ZNF609: variants seen among roughly 807,000 people sequenced by gnomAD.
ZNF609 encodes the protein zinc finger protein 609.
Under a neutral mutation model 109.5 loss-of-function variants are expected in ZNF609, and 11 were observed. That is an observed-to-expected ratio of 0.10 (90% CI 0.06 to 0.17). The LOEUF is 0.17. Among genes scored for constraint, ZNF609 ranks in the 10% least tolerant of loss-of-function variants. ZNF609 has a pLI of 1.00. For synonymous variants in ZNF609, 646 were observed against 662.0 expected (o/e 0.98, Z 0.37); for missense variants, 1,559 against 1,772.4 (o/e 0.88, Z 2.16).
chr15:64,654,666 A>G (rs1023298346), intron 3 of ZNF609, among the ~76,000 whole-genome samples: 1 of 152,166 alleles, frequency 6.6e-6, no homozygotes, highest in Admixed American at 6.5e-5. Flanking sequence ...CATGTCTTCT[A>G]TTTCTATAAT....
At chr15:64,586,046 C>T (rs548480146) in intron 2 of ZNF609, among the ~76,000 whole-genome samples, 3 of 152,040 alleles carry the variant, frequency 2.0e-5, no homozygotes, top group East Asian at 1.9e-4. Flanking sequence ...TCTTGCCGGC[C>T]GGGTGCGGTG....
chr15:64,529,635 G>A (rs543495846), intron 2 of ZNF609: 17 of 898,402 alleles, frequency 1.9e-5, no homozygotes, highest in African/African-American at 8.1e-5. Context: ...CACCCAGTAC[G>A]ACCAAATCTG....
At chr15:64,619,159 T>C (rs995156012) in intron 2 of ZNF609, among the ~76,000 whole-genome samples, 14 of 152,252 alleles carry the variant, frequency 9.2e-5, no homozygotes, top group African/African-American at 3.4e-4. Context: ...GTTTTTGTTT[T>C]TGTTTTTGTT....
At chr15:64,605,893 C>T (rs1267812500) in intron 2 of ZNF609, among the ~76,000 whole-genome samples, 2 of 141,842 alleles carry the variant, frequency 1.4e-5, no homozygotes, top group Non-Finnish European at 3.0e-5. Flanking sequence ...GCCACCACGC[C>T]CGGCTAATCT....
At chr15:64,588,439 A>G (rs113914133) in intron 2 of ZNF609, among the ~76,000 whole-genome samples, 3 of 136,674 alleles carry the variant, frequency 2.2e-5, no homozygotes, top group African/African-American at 6.2e-5. Flanking sequence ...AAAAAAAAAA[A>G]AAAAAGAAGA....
chr15:64,667,734 A>T (rs1896670717), intron 3 of ZNF609, among the ~76,000 whole-genome samples: 1 of 152,116 alleles, frequency 6.6e-6, no homozygotes, highest in Non-Finnish European at 1.5e-5. Flanking sequence ...AAAAAGAAAA[A>T]GAAACACAGA....
At chr15:64,475,309 C>T (rs1405994674) in intron 1 of ZNF609, among the ~76,000 whole-genome samples, 1 of 151,558 alleles carries the variant, frequency 6.6e-6, no homozygotes, top group East Asian at 1.9e-4. Context: ...TCCTATCCAC[C>T]TATCTCCAGA....
chr15:64,608,703 A>G (rs558110494), intron 2 of ZNF609, among the ~76,000 whole-genome samples: 1 of 147,918 alleles, frequency 6.8e-6, no homozygotes, highest in African/African-American at 2.5e-5. Context: ...CAAAATTGTT[A>G]TATGTGTGTA....
At chr15:64,610,858 C>T (rs1030156226) in intron 2 of ZNF609, among the ~76,000 whole-genome samples, 1 of 151,976 alleles carries the variant, frequency 6.6e-6, no homozygotes, top group African/African-American at 2.4e-5. Context: ...TTTGGTCCAG[C>T]CACGTTATAG....
At chr15:64,559,814 G>A (rs1295179778) in intron 2 of ZNF609, among the ~76,000 whole-genome samples, 1 of 152,070 alleles carries the variant, frequency 6.6e-6, no homozygotes, top group African/African-American at 2.4e-5. Context: ...CAGATATCTC[G>A]TTTAATATTC....
At position 64,542,329 on chromosome 15, in the gene ZNF609, G is replaced by T. The variant is rs192837602; in HGVS notation, c.747+42163G>T. On this transcript the variant is annotated intron_variant, in intron 2 of 9. Coordinates refer to ENST00000326648, the MANE Select transcript of ZNF609 (RefSeq NM_015042.2). ...ACGTAATTTTGCCTGAATCTATTTG[G>T]ATTATTTTTCAAGTAGTTAATGTGA... Among the ~76,000 whole-genome samples the T allele has an allele frequency of 5.3e-5, 8 of 152,218 alleles. No homozygotes were observed. The East Asian group carries it at 1.5e-3, about 29-fold the overall frequency.
At chr15:64,600,608 C>G (rs1895481635) in intron 2 of ZNF609, among the ~76,000 whole-genome samples, 1 of 125,704 alleles carries the variant, frequency 8.0e-6, no homozygotes, top group Non-Finnish European at 1.6e-5. Context: ...TGTACCCCAG[C>G]TTGGGTAACA....
intron 3 of ZNF609, among the ~76,000 whole-genome samples, chr15:64,623,502 A>G (rs1895909213): frequency 6.6e-6 from 1 of 152,118 alleles, no homozygotes; most frequent in South Asian, 2.1e-4. Context: ...TTTAACACCT[A>G]TAGGTACAGC....
intron 4 of ZNF609, among the ~76,000 whole-genome samples, chr15:64,672,420 T>A (rs1395216795): frequency 4.5e-5 from 6 of 132,586 alleles, no homozygotes; most frequent in African/African-American, 5.6e-5. Context: ...AGGTCAGGAG[T>A]TCGAGACCAG....
Position 64,545,817 on chromosome 15 carries a change from G to A in ZNF609, c.747+45651G>A, listed in dbSNP as rs77375492. ...ACTTAATATAATCTCCTTGGAAGTT[G>A]TCTATGTTGTTGCATTTATCAGCAG... is the stretch of plus-strand genomic sequence containing the variant. On this transcript the variant is annotated intron_variant, in intron 2 of 9. Coordinates refer to ENST00000326648, the MANE Select transcript of ZNF609 (RefSeq NM_015042.2). 8.2e-3 allele frequency among the ~76,000 whole-genome samples: 1,241 copies of A among 152,260 alleles called. 19 individuals are homozygous for A. Among genetic ancestry groups the A allele is most frequent in the African/African-American group, 0.029 (1,194 of 41,556 alleles).
chr15:64,491,760 G>A (rs1165442568), intron 1 of ZNF609, among the ~76,000 whole-genome samples: 1 of 152,168 alleles, frequency 6.6e-6, no homozygotes, highest in Non-Finnish European at 1.5e-5. Context: ...CAGAAGAATC[G>A]CTTGAACCCA....
chr15:64,564,786 T>C (rs546194159), intron 2 of ZNF609, among the ~76,000 whole-genome samples: 1 of 152,222 alleles, frequency 6.6e-6, no homozygotes, highest in East Asian at 1.9e-4. Context: ...ATCCACTAGA[T>C]TACAGTGAAT....
chr15:64,665,520 G>C (rs968731881), intron 3 of ZNF609, among the ~76,000 whole-genome samples: 1 of 152,192 alleles, frequency 6.6e-6, no homozygotes, highest in Admixed American at 6.5e-5. Flanking sequence ...AGGAAACCAA[G>C]GCAGGAGGAT....
intron 2 of ZNF609, among the ~76,000 whole-genome samples, chr15:64,605,579 T>C (rs1895581184): frequency 6.6e-6 from 1 of 152,224 alleles, no homozygotes; most frequent in Admixed American, 6.5e-5. Flanking sequence ...ACACTTTACA[T>C]TCAGTTAATC....
Sources: gnomAD v4.1 joint callset for allele counts (sites outside exome capture counted in the v4.1 genomes callset) on GRCh38, gnomAD v4.1.1 for gene constraint, MANE v1.5 for transcripts, NCBI Gene and HGNC (gene_info 2026-07-23, HGNC 2026-07-21) for gene names.